Variants in TUBD1 observed in about 807,000 individuals in gnomAD.
TUBD1 encodes the protein tubulin delta chain.
Under a neutral mutation model 51.2 loss-of-function variants are expected in TUBD1, and 38 were observed. The ratio of observed to expected loss-of-function variants is 0.74; its 90% CI spans 0.57 to 0.97. The LOEUF is 0.97. TUBD1 is among the 50% of genes least tolerant of loss of function. TUBD1 has a pLI of 0.00. For synonymous variants in TUBD1, 169 were observed against 178.2 expected, an observed-to-expected ratio of 0.95 and a Z score of 0.41; for missense variants, 489 against 538.4, an observed-to-expected ratio of 0.91 and a Z score of 0.91.
In TUBD1 at chr17:59,886,423, G is replaced by A. The variant is rs142764565; in HGVS notation, c.173-193C>T. ...GCAGGCATATGCAGATGTTCACCAA[G>A]CCCAGCATTTGCTAAGCAGGCTGAA... On this transcript the variant is annotated intron_variant, in intron 2 of 8. Transcript: ENST00000325752. 1.4e-4 allele frequency: 78 copies of A among 565,760 alleles called. No individual in the cohort carries two copies. In the East Asian group the frequency reaches 2.3e-3, roughly 17 times the overall value. 35.0% of individuals were successfully genotyped at this position (565,760 alleles called of 1,614,324 possible). A position where few individuals can be genotyped will look rare whatever the true frequency, so the allele number is the denominator to read the frequency against.
intron 6 of TUBD1, among the ~76,000 whole-genome samples, chr17:59,868,240 T>C (rs1305778904): frequency 1.2e-4 from 16 of 132,474 alleles, no homozygotes; most frequent in African/African-American, 4.8e-4. Flanking sequence ...GCCAAGATCA[T>C]GCCACTGCAC....
intron 2 of TUBD1, among the ~76,000 whole-genome samples, chr17:59,889,005 C>T (rs1012060103): frequency 3.6e-5 from 5 of 139,432 alleles, no homozygotes; most frequent in African/African-American, 5.4e-5. Context: ...AGCCACCATG[C>T]CTGGCTTTTT....
At chr17:59,875,953 T>A (rs1427066356) in intron 5 of TUBD1, among the ~76,000 whole-genome samples, 1 of 152,160 alleles carries the variant, frequency 6.6e-6, no homozygotes, top group Non-Finnish European at 1.5e-5. Flanking sequence ...TACCATAATA[T>A]GAAACAAACT....
chr17:59,890,494 G>A (rs542225367), intron 2 of TUBD1, among the ~76,000 whole-genome samples: 75 of 151,982 alleles, frequency 4.9e-4, no homozygotes, highest in Middle Eastern at 3.4e-3. Context: ...CACTCGCCTC[G>A]GCCTCTCAAA....
intron 4 of TUBD1, among the ~76,000 whole-genome samples, chr17:59,879,193 G>A (rs186736239): frequency 0.01 from 1,547 of 151,836 alleles, 12 homozygotes; most frequent in South Asian, 0.019. Flanking sequence ...ACTTGAACCC[G>A]GGAGGCGGAG....
intron 8 of TUBD1, among the ~76,000 whole-genome samples, chr17:59,862,293 A>G (rs1260242038): frequency 6.7e-6 from 1 of 150,106 alleles, no homozygotes; most frequent in Admixed American, 6.6e-5. Context: ...ATTGCACTCC[A>G]GTCTGGGCAA....
At chr17:59,885,216 G>GACATGT (rs1231705809) in intron 3 of TUBD1, 11 of 467,010 alleles carry the variant, frequency 2.4e-5, no homozygotes, top group Non-Finnish European at 4.5e-5. Context: ...TTACCCGGAT[G>GACATGT]ATGACATGGG....
chr17:59,866,678 G>C lies in TUBD1; in HGVS notation c.1006C>G (p.Leu336Val). The change falls in exon 7 of 9, where the codon CTG becomes GTG. Residue 336 changes from leucine (L) to valine (V), a missense_variant. Leu to Val is a conservative substitution (Grantham distance 32). Transcript: ENST00000325752. ...PLSKMSLNKDLHFNTSIANLV... is the reference protein window; with the variant it reads ...PLSKMSLNKDVHFNTSIANLV... ...TTAGCAATGGAAGTGTTAAAATGCA[G>C]GTCCTTGTTGAGAGACATTTTACTA... is the stretch of plus-strand genomic sequence containing the variant. The C allele has an allele frequency of 1.9e-6, 3 of 1,614,094 alleles. No homozygotes were observed. The highest frequency in any genetic ancestry group is 2.5e-6 in the Non-Finnish European group (3 of 1,180,020).
At chr17:59,872,503 T>C (rs769028511) in intron 6 of TUBD1, among the ~76,000 whole-genome samples, 2 of 152,080 alleles carry the variant, frequency 1.3e-5, no homozygotes, top group Non-Finnish European at 1.5e-5. Flanking sequence ...AAAAATAAAC[T>C]GTACACACAA....
In TUBD1 at chr17:59,886,127, T is replaced by C; in HGVS notation, c.276A>G (p.Ala92=). ...QSGQWKYGQH[A]CFCQKQGSGN... is the part of the protein sequence containing the mutation. The stretch of plus-strand genomic sequence containing the variant: ...CAGAACCTTGTTTTTGACAGAAGCA[T>C]GCATGTTGACCATATTTCCATTGGC... The change falls in exon 3 of 9, where the codon GCA becomes GCG. Residue 92 remains alanine (A), a synonymous_variant. Coordinates refer to ENST00000325752, the MANE Select transcript of TUBD1 (RefSeq NM_016261.4). 1 of 1,614,088 alleles carries C rather than the reference T, an allele frequency of 6.2e-7. No homozygotes were observed.
chr17:59,886,298 T>C (rs1568327430), intron 2 of TUBD1, 68 bp from the exon 3 acceptor site: 7 of 1,413,330 alleles, frequency 5.0e-6, no homozygotes, highest in Non-Finnish European at 6.6e-6. Context: ...TTTGGGTAAC[T>C]CAGAGCATCT....
chr17:59,871,826 T>G (rs548741242), intron 6 of TUBD1, among the ~76,000 whole-genome samples: 1 of 152,166 alleles, frequency 6.6e-6, no homozygotes, highest in South Asian at 2.1e-4. Flanking sequence ...GACAGGGTTT[T>G]GCTCTGTTGC....
intron 7 of TUBD1, among the ~76,000 whole-genome samples, chr17:59,864,546 G>C (rs974168964): frequency 1.1e-4 from 17 of 152,080 alleles, no homozygotes; most frequent in Admixed American, 1.0e-3. Context: ...TCTGTCACCA[G>C]GCTGGTGTGC....
At chr17:59,877,298 G>A (rs112216512) in intron 5 of TUBD1, among the ~76,000 whole-genome samples, 39 of 152,302 alleles carry the variant, frequency 2.6e-4, no homozygotes, top group African/African-American at 9.1e-4. Flanking sequence ...GCACAACTAC[G>A]GAAAGTCATG....
intron 2 of TUBD1, among the ~76,000 whole-genome samples, chr17:59,887,118 G>A (rs1308923565): frequency 1.3e-5 from 2 of 151,942 alleles, no homozygotes; most frequent in Non-Finnish European, 2.9e-5. Context: ...CCCGGGAGGT[G>A]GAGGTTGCAG....
chr17:59,876,468 C>A (rs1217508654), intron 5 of TUBD1, among the ~76,000 whole-genome samples: 1 of 151,758 alleles, frequency 6.6e-6, no homozygotes, highest in Non-Finnish European at 1.5e-5. Context: ...AATTCTCCTG[C>A]CTCTGCCTCC....
chr17:59,869,621 G>A (rs750587219), intron 6 of TUBD1, among the ~76,000 whole-genome samples: 1 of 152,104 alleles, frequency 6.6e-6, no homozygotes, highest in Non-Finnish European at 1.5e-5. Flanking sequence ...GTTCCTTGTG[G>A]TATTAACAGG....
intron 3 of TUBD1, among the ~76,000 whole-genome samples, chr17:59,884,250 G>A (rs551040474): frequency 1.4e-5 from 2 of 146,410 alleles, no homozygotes; most frequent in African/African-American, 5.0e-5. Flanking sequence ...AACAGAGCAA[G>A]ACTCTTGTCT....
intron 6 of TUBD1, among the ~76,000 whole-genome samples, chr17:59,870,410 A>G (rs2039930321): frequency 7.0e-6 from 1 of 142,114 alleles, no homozygotes; most frequent in Non-Finnish European, 1.5e-5. Flanking sequence ...AAAAAAAATC[A>G]AAGTGTAAAA....
Sources: allele counts gnomAD v4.1 joint callset (sites outside exome capture counted in the v4.1 genomes callset), GRCh38; gene constraint gnomAD v4.1.1; transcripts MANE v1.5; gene names NCBI Gene and HGNC (gene_info 2026-07-23, HGNC 2026-07-21).